The following INTS4 variants were observed in gnomAD, a reference collection of about 807,000 sequenced individuals.
INTS4 encodes integrator complex subunit 4.
A neutral mutation model predicts 119.5 loss-of-function variants in INTS4; 70 were observed. The observed-to-expected ratio is 0.59, with a 90% CI of 0.48 to 0.71. The LOEUF (loss-of-function observed/expected upper bound fraction) is 0.71, where lower values mean the gene tolerates loss of function less well. Ranked by LOEUF, INTS4 falls within the 30% of genes least tolerant of loss-of-function variation. The pLI is 0.00. For synonymous variants in INTS4, 316 were observed against 419.6 expected, an observed-to-expected ratio of 0.75 and a Z score of 3.02; for missense variants, 867 against 1,173.2, an observed-to-expected ratio of 0.74 and a Z score of 3.81.
chr11:77,962,208 C>T (rs959620196), intron 4 of INTS4, among the ~76,000 whole-genome samples: 3 of 152,112 alleles, frequency 2.0e-5, no homozygotes, highest in Non-Finnish European at 2.9e-5. Context: ...CTTTGAGCCT[C>T]GGAGGTGGAG....
Position 77,958,797 on chromosome 11 carries a change from C to T in INTS4, c.746G>A (p.Arg249His), listed in dbSNP as rs191741859. Residue 249 changes from arginine to histidine, a missense_variant, in exon 7 of 23, where the codon CGC becomes CAC. Physicochemically the swap from Arg to His is conservative, Grantham distance 29. Transcript: ENST00000534064. ...KLLSDDYEQV[R>H]SAAVQLIWVV... ...CCAGATAAGCTGGACTGCAGCACTG[C>T]GCACTTGTTCATAGTCATCAGAGAG... is the stretch of plus-strand genomic sequence containing the variant. 4.3e-5 allele frequency: 69 copies of T among 1,610,430 alleles called. No homozygotes were observed. The highest frequency in any genetic ancestry group is 5.5e-5 in the Non-Finnish European group (65 of 1,178,668).
chr11:77,953,893 A>G (rs1033088163), intron 8 of INTS4, among the ~76,000 whole-genome samples: 1 of 151,792 alleles, frequency 6.6e-6, no homozygotes, highest in Non-Finnish European at 1.5e-5. Flanking sequence ...CCTCCCGGGT[A>G]ACCTCTGCCT....
chr11:77,955,496 C>CT (rs796295814), intron 8 of INTS4, among the ~76,000 whole-genome samples: 3,451 of 135,472 alleles, frequency 0.025, 96 homozygotes, highest in African/African-American at 0.07. Context: ...TAATCCCAGC[C>CT]TTTTTTTTTT....
chr11:77,988,529 G>T (rs1856545189), intron 2 of INTS4, among the ~76,000 whole-genome samples: 1 of 152,174 alleles, frequency 6.6e-6, no homozygotes, highest in African/African-American at 2.4e-5. Context: ...TTAGAAGATG[G>T]TAATTACTAT....
intron 10 of INTS4, among the ~76,000 whole-genome samples, chr11:77,933,625 C>T (rs1297445608): frequency 6.6e-6 from 1 of 152,218 alleles, no homozygotes; most frequent in Non-Finnish European, 1.5e-5. Context: ...GCCGAGATTG[C>T]AGCCTCTGCC....
chr11:77,917,333 A>G (rs1295825889), intron 15 of INTS4, among the ~76,000 whole-genome samples: 3 of 144,684 alleles, frequency 2.1e-5, no homozygotes, highest in Non-Finnish European at 4.5e-5. Context: ...TTTTTTTTTG[A>G]GATGGAGTCT....
intron 2 of INTS4, among the ~76,000 whole-genome samples, chr11:77,986,769 TA>T (rs1228240843): frequency 2.7e-4 from 40 of 147,836 alleles, no homozygotes; most frequent in African/African-American, 1.0e-3. Flanking sequence ...TTCTCACTCA[TA>T]GGTGGGAATT....
intron 16 of INTS4, among the ~76,000 whole-genome samples, chr11:77,906,695 G>C (rs1365469732): frequency 6.6e-6 from 1 of 152,138 alleles, no homozygotes; most frequent in Non-Finnish European, 1.5e-5. Context: ...ACATGTATAG[G>C]CACACCTGCA....
chr11:77,928,774 G>T (rs186763159), intron 10 of INTS4, among the ~76,000 whole-genome samples: 1 of 152,060 alleles, frequency 6.6e-6, no homozygotes, highest in African/African-American at 2.4e-5. Flanking sequence ...ACTTGAACCT[G>T]GGAGGCAGAA....
chr11:77,968,528 A>G (rs1591123154), intron 4 of INTS4, among the ~76,000 whole-genome samples: 1 of 152,312 alleles, frequency 6.6e-6, no homozygotes, highest in East Asian at 1.9e-4. Context: ...ATGGGTATAG[A>G]GTTTCACTTC....
intron 4 of INTS4, among the ~76,000 whole-genome samples, chr11:77,962,478 C>T (rs1012944022): frequency 6.6e-6 from 1 of 152,020 alleles, no homozygotes; most frequent in African/African-American, 2.4e-5. Flanking sequence ...TAGTCCAATG[C>T]TACTAAAACA....
At position 77,991,161 on chromosome 11, in the gene INTS4, C is replaced by T. The variant is rs774107778; in HGVS notation, c.193G>A (p.Glu65Lys). ...YLLQFARKPV[E>K]AESVEGVVRI... ...ACTACTCCCTCTACGCTTTCCGCCT[C>T]GACAGGCTTCCTGGCAAACTGGAGC... The change falls in exon 2 of 23, where the codon GAG becomes AAG. Residue 65 changes from glutamate (E) to lysine (K), a missense_variant. Glu to Lys is a moderately conservative substitution (Grantham distance 56, BLOSUM62 1). Transcript: ENST00000534064. 6.2e-7 allele frequency: 1 copy of T among 1,614,208 alleles called. No individual in the cohort carries two copies. The highest frequency in any genetic ancestry group is 8.5e-7 in the Non-Finnish European group (1 of 1,180,040).
chr11:77,929,681 C>G (rs368345921), intron 10 of INTS4, among the ~76,000 whole-genome samples: 1 of 152,104 alleles, frequency 6.6e-6, no homozygotes, highest in Non-Finnish European at 1.5e-5. Context: ...TAAGGATACA[C>G]GCTTGGAATG....
At chr11:77,931,230 G>C (rs1484400172) in intron 10 of INTS4, among the ~76,000 whole-genome samples, 2 of 152,180 alleles carry the variant, frequency 1.3e-5, no homozygotes, top group Non-Finnish European at 2.9e-5. Context: ...TAGAAGAAAA[G>C]CTGCATGCAC....
downstream of INTS4, chr11:77,877,000 A>G (rs1190175653): frequency 2.8e-6 from 2 of 703,248 alleles, no homozygotes; most frequent in South Asian, 3.0e-5. Flanking sequence ...CTGTGGTACA[A>G]TTCCACCTGG....
At chr11:77,896,225 A>G (rs1258741244) in intron 18 of INTS4, among the ~76,000 whole-genome samples, 1 of 152,048 alleles carries the variant, frequency 6.6e-6, no homozygotes, top group Non-Finnish European at 1.5e-5. Flanking sequence ...AACTATACAG[A>G]AAAAAAAGGA....
intron 2 of INTS4, among the ~76,000 whole-genome samples, chr11:77,984,542 G>T (rs185353138): frequency 1.3e-5 from 2 of 151,142 alleles, no homozygotes; most frequent in East Asian, 3.9e-4. Context: ...AGGGGCTGGA[G>T]GTGGGGGTGA....
At chr11:77,956,365 C>G (rs1315460190) in intron 7 of INTS4, among the ~76,000 whole-genome samples, 1 of 152,168 alleles carries the variant, frequency 6.6e-6, no homozygotes, top group Non-Finnish European at 1.5e-5. Flanking sequence ...GAGCTGAGAT[C>G]ACACCACGGC....
chr11:77,888,268 C>T (rs9667088), intron 21 of INTS4, among the ~76,000 whole-genome samples: 3,126 of 152,226 alleles, frequency 0.021, 97 homozygotes, highest in African/African-American at 0.071. Flanking sequence ...GAAATAATGC[C>T]ACATATCTAC....
Sources: gnomAD v4.1 joint callset for allele counts (sites outside exome capture counted in the v4.1 genomes callset) on GRCh38, gnomAD v4.1.1 for gene constraint, MANE v1.5 for transcripts, NCBI Gene and HGNC (gene_info 2026-07-23, HGNC 2026-07-21) for gene names.